CAMTA1: variants seen among roughly 807,000 people sequenced by gnomAD.
The protein encoded by CAMTA1 is calmodulin binding transcription activator 1.
In CAMTA1, 27 loss-of-function variants were observed where a neutral mutation model predicts 170.9. The observed-to-expected ratio is 0.16, with a 90% CI of 0.12 to 0.22. The LOEUF is 0.22. Among genes scored for constraint, CAMTA1 ranks in the 10% least tolerant of loss-of-function variants. The pLI is 1.00. For synonymous variants in CAMTA1, 833 were observed against 891.5 expected (o/e 0.93, Z 1.17); for missense variants, 1,619 against 2,217.2 (o/e 0.73, Z 5.42).
At chr1:7,390,155 C>T (rs1388444703) in intron 5 of CAMTA1, among the ~76,000 whole-genome samples, 1 of 152,202 alleles carries the variant, frequency 6.6e-6, no homozygotes, top group Non-Finnish European at 1.5e-5. Context: ...TCCCCACCCT[C>T]TGAGGACCCT....
chr1:7,532,954 A>T lies in CAMTA1; in HGVS notation c.510+65053A>T, dbSNP rs149386321. Among the ~76,000 whole-genome samples, 3 of 152,162 alleles carry T rather than the reference A, an allele frequency of 2.0e-5. No homozygotes were observed. The highest frequency in any genetic ancestry group is 2.0e-4 in the Admixed American group (3 of 15,280). On this transcript the variant is annotated intron_variant, in intron 6 of 22. Coordinates refer to ENST00000303635, the MANE Select transcript of CAMTA1 (RefSeq NM_015215.4). This position sits in a 1 kb window ranked among gnomAD's most constrained non-coding sequence, Gnocchi z 4.2. ...GGCTTTTTGGGAAGGGTGGGATTTC[A>T]TCTGGAACAAGAGATGGGAGGCCCA...
intron 9 of CAMTA1, among the ~76,000 whole-genome samples, chr1:7,669,199 G>C (rs1022511022): frequency 1.3e-5 from 2 of 152,260 alleles, no homozygotes; most frequent in African/African-American, 4.8e-5. Context: ...TGCTGCCGTA[G>C]CAGTAAAGTG....
intron 5 of CAMTA1, among the ~76,000 whole-genome samples, chr1:7,272,572 G>A: frequency 6.6e-6 from 1 of 151,296 alleles, no homozygotes; most frequent in East Asian, 1.9e-4. Context: ...ATAAAATTGA[G>A]AGTCCAGGAG....
Position 7,195,226 on chromosome 1 carries a change from A to G in CAMTA1, c.303-54265A>G, listed in dbSNP as rs922468595. 6.6e-6 allele frequency among the ~76,000 whole-genome samples: 1 copy of G among 152,176 alleles called. No homozygotes were observed. Among genetic ancestry groups the G allele is most frequent in the African/African-American group, 2.4e-5 (1 of 41,456 alleles). On this transcript the variant is annotated intron_variant, in intron 4 of 22. Coordinates refer to ENST00000303635, the MANE Select transcript of CAMTA1 (RefSeq NM_015215.4). The surrounding 1 kb of genome is among the most constrained non-coding windows in gnomAD (Gnocchi z 4.1). ...TTTGTGCCGTCCACCTTGCAGGCAT[A>G]TGGCAGCTCCCACGTTCTCACACCA...
chr1:7,151,917 T>A (rs554654171), intron 4 of CAMTA1, among the ~76,000 whole-genome samples: 24 of 152,356 alleles, frequency 1.6e-4, no homozygotes, highest in Non-Finnish European at 2.9e-4. Flanking sequence ...TGTGTTTTTT[T>A]AAAACCAAAT....
intron 3 of CAMTA1, among the ~76,000 whole-genome samples, chr1:6,926,237 G>GA (rs1436585929): frequency 1.3e-5 from 2 of 152,152 alleles, no homozygotes; most frequent in East Asian, 3.9e-4. Context: ...CCCCAGAGCA[G>GA]AAGTTCCCAA....
chr1:7,127,761 C>T (rs1558139121), intron 4 of CAMTA1, among the ~76,000 whole-genome samples: 1 of 152,162 alleles, frequency 6.6e-6, no homozygotes, highest in Non-Finnish European at 1.5e-5. Context: ...GGCAAGAGGA[C>T]CTAGCCTCAT....
intron 6 of CAMTA1, among the ~76,000 whole-genome samples, chr1:7,525,298 T>A (rs1340553206): frequency 1.3e-5 from 2 of 149,148 alleles, no homozygotes; most frequent in African/African-American, 2.5e-5. Context: ...TACACACACA[T>A]ACCACTAGAG....
intron 7 of CAMTA1, 135 bp downstream of exon 7, chr1:7,640,688 C>A: frequency 9.7e-7 from 1 of 1,026,828 alleles, no homozygotes; most frequent in Non-Finnish European, 1.5e-6. Flanking sequence ...ACAGTGGCAC[C>A]GTGAGCTTAG....
rs117289473 is a variant in CAMTA1, at chr1:6,933,824, C to T, written c.234+108614C>T. 1.8e-4 allele frequency among the ~76,000 whole-genome samples: 27 copies of T among 152,138 alleles called. No homozygotes were observed. In the East Asian group the frequency reaches 2.9e-3, roughly 16 times the overall value. ...CTGGACTCAGTTCTGTTAATTGATCCGGTGGTCTGTCTTTAAGCCAATACC... is the reference window on the plus strand; with the variant it reads ...CTGGACTCAGTTCTGTTAATTGATCTGGTGGTCTGTCTTTAAGCCAATACC... On this transcript the variant is annotated intron_variant, in intron 3 of 22. Coordinates refer to ENST00000303635, the MANE Select transcript of CAMTA1 (RefSeq NM_015215.4).
At chr1:7,244,652 A>G (rs1411604973) in intron 4 of CAMTA1, among the ~76,000 whole-genome samples, 1 of 152,086 alleles carries the variant, frequency 6.6e-6, no homozygotes, top group African/African-American at 2.4e-5. Context: ...CAAAAAACCA[A>G]ACACCACATG....
chr1:7,100,019 G>A (rs1159539580), intron 4 of CAMTA1, among the ~76,000 whole-genome samples: 1 of 152,080 alleles, frequency 6.6e-6, no homozygotes, highest in East Asian at 1.9e-4. Context: ...ACCCCGGGAG[G>A]GTCTATTGCC....
At chr1:7,493,647 G>C (rs199719797) in intron 6 of CAMTA1, among the ~76,000 whole-genome samples, 17 of 18,116 alleles carry the variant, frequency 9.4e-4, no homozygotes, top group Admixed American at 1.1e-3. Flanking sequence ...GGGAACTGGG[G>C]GGGGGGGGGG....
chr1:7,242,716 C>G (rs919829454), intron 4 of CAMTA1, among the ~76,000 whole-genome samples: 5 of 151,930 alleles, frequency 3.3e-5, no homozygotes, highest in African/African-American at 1.2e-4. Context: ...ATCACAAGGT[C>G]AGGAGATCGA....
chr1:7,559,945 G>C (rs1219844370), intron 6 of CAMTA1, among the ~76,000 whole-genome samples: 1 of 152,218 alleles, frequency 6.6e-6, no homozygotes, highest in African/African-American at 2.4e-5. Flanking sequence ...TTGGATGAGA[G>C]CTTGGTTCTC....
At chr1:7,540,013 T>G (rs1204892645) in intron 6 of CAMTA1, among the ~76,000 whole-genome samples, 1 of 152,160 alleles carries the variant, frequency 6.6e-6, no homozygotes, top group East Asian at 1.9e-4. Flanking sequence ...CAGGAAGCCT[T>G]ACCTTCTAGG....
At chr1:7,116,671 G>A (rs1161523207) in intron 4 of CAMTA1, among the ~76,000 whole-genome samples, 1 of 127,886 alleles carries the variant, frequency 7.8e-6, no homozygotes, top group Admixed American at 7.9e-5. Flanking sequence ...TTTTTTTTAT[G>A]GAGTCTCTCT....
intron 6 of CAMTA1, among the ~76,000 whole-genome samples, chr1:7,558,190 G>T (rs897104894): frequency 6.6e-6 from 1 of 152,192 alleles, no homozygotes; most frequent in African/African-American, 2.4e-5. Flanking sequence ...GTCCAGCTCC[G>T]CCTCGGGGCC....
chr1:7,169,066 C>G, intron 4 of CAMTA1, among the ~76,000 whole-genome samples: 1 of 152,174 alleles, frequency 6.6e-6, no homozygotes, highest in East Asian at 1.9e-4. Flanking sequence ...TACTTTTTCT[C>G]CTATAATCTG....
Sources: gnomAD v4.1 joint callset for allele counts (sites outside exome capture counted in the v4.1 genomes callset) on GRCh38, gnomAD v4.1.1 for gene constraint, Gnocchi (gnomAD v3.1) non-coding constraint, MANE v1.5 for transcripts, NCBI Gene and HGNC (gene_info 2026-07-23, HGNC 2026-07-21) for gene names.